STK32A: variants seen among roughly 807,000 people sequenced by gnomAD.
The protein encoded by STK32A is serine/threonine-protein kinase 32A.
A neutral mutation model predicts 53.2 loss-of-function variants in STK32A; 41 were observed. The observed-to-expected ratio is 0.77, with a 90% CI of 0.60 to 1.00. The LOEUF (loss-of-function observed/expected upper bound fraction) is 1.00. Ranked by LOEUF, STK32A falls within the 50% of genes least tolerant of loss-of-function variation. The pLI, the probability that STK32A is intolerant of heterozygous loss-of-function variation, is 0.00. For synonymous variants in STK32A, 166 were observed against 162.8 expected (o/e 1.02, Z -0.15); for missense variants, 458 against 485.8 (o/e 0.94, Z 0.54).
At chr5:147,294,289 G>A (rs1313085926) in intron 4 of STK32A, among the ~76,000 whole-genome samples, 1 of 152,102 alleles carries the variant, frequency 6.6e-6, no homozygotes, top group Non-Finnish European at 1.5e-5. Flanking sequence ...TTTTGAGACA[G>A]AGTCTCACTC....
At chr5:147,350,659 C>T (rs1009760795) in intron 6 of STK32A, among the ~76,000 whole-genome samples, 1 of 152,086 alleles carries the variant, frequency 6.6e-6, no homozygotes, top group African/African-American at 2.4e-5. Context: ...TGAGCCACCA[C>T]GCCCAGCCTA....
At chr5:147,284,620 C>G (rs1187833782) in intron 4 of STK32A, among the ~76,000 whole-genome samples, 3 of 150,116 alleles carry the variant, frequency 2.0e-5, no homozygotes, top group Non-Finnish European at 4.4e-5. Context: ...CAACAGCAAC[C>G]AAGTAGAGAA....
At chr5:147,393,886 G>A in the STK32A span, 9 of 780,466 alleles carry the variant, frequency 1.2e-5, no homozygotes, top group Admixed American at 2.8e-5. Context: ...GCAAGCGAGC[G>A]TAACATTGGA....
the STK32A span, chr5:147,395,595 C>G: frequency 6.2e-7 from 1 of 1,613,848 alleles, no homozygotes; most frequent in Non-Finnish European, 8.5e-7. Flanking sequence ...AGATTCCTCA[C>G]AGGTGGGTTC....
chr5:147,315,312 T>A (rs1753938238), intron 4 of STK32A, among the ~76,000 whole-genome samples: 1 of 152,074 alleles, frequency 6.6e-6, no homozygotes, highest in Admixed American at 6.6e-5. Context: ...AGTCAAAAGG[T>A]AGAAATAACC....
At chr5:147,391,624 T>A (rs1313236898), downstream of STK32A, 4 of 152,356 alleles carry the variant, frequency 2.6e-5, no homozygotes, top group East Asian at 7.7e-4. Context: ...TGTTTTCTTT[T>A]CCTAAACCTT....
At chr5:147,400,204 G>T in the STK32A span, among the ~76,000 whole-genome samples, 1 of 152,130 alleles carries the variant, frequency 6.6e-6, no homozygotes, top group Non-Finnish European at 1.5e-5. Flanking sequence ...AAATAAAACA[G>T]GCCACTTGCC....
the STK32A span, chr5:147,400,710 G>A: frequency 0.16 from 260,501 of 1,613,846 alleles, 22,815 homozygotes; most frequent in African/African-American, 0.3. Flanking sequence ...TGTCCCAGAT[G>A]ACAGACATCC....
chr5:147,280,273 C>T (rs1486073950), intron 4 of STK32A, among the ~76,000 whole-genome samples: 1 of 152,022 alleles, frequency 6.6e-6, no homozygotes, highest in African/African-American at 2.4e-5. Context: ...GGAGAGGGCA[C>T]AAATCCAGTG....
intron 11 of STK32A, chr5:147,375,924 A>G (rs1455490601): frequency 6.6e-6 from 1 of 152,140 alleles, no homozygotes; most frequent in African/African-American, 2.4e-5. Flanking sequence ...TCTAAAGGTC[A>G]TCTATCTATC....
chr5:147,327,754 C>G (rs1754672991), intron 5 of STK32A, among the ~76,000 whole-genome samples: 1 of 152,174 alleles, frequency 6.6e-6, no homozygotes, highest in Non-Finnish European at 1.5e-5. Context: ...CCCAAGTTTG[C>G]ATGGCTATTA....
chr5:147,291,978 A>G (rs1418754810), intron 4 of STK32A, among the ~76,000 whole-genome samples: 3 of 152,212 alleles, frequency 2.0e-5, no homozygotes, highest in South Asian at 4.1e-4. Context: ...TAGACTTTTA[A>G]AAGCCTCTCT....
rs150348425 is a variant in STK32A at position 147,289,491 on chromosome 5, G to A, written c.260+10093G>A. On this transcript the variant is annotated intron_variant, in intron 4 of 12. Coordinates refer to ENST00000397936, the MANE Select transcript of STK32A (RefSeq NM_001112724.2). ...TTTTCAGGCTGAGGGTAAACAAATT[G>A]TTCCTTTTTTAAGTGAGTTAAGATT... Among the ~76,000 whole-genome samples, 700 of 151,884 alleles carry A rather than the reference G, an allele frequency of 4.6e-3. 5 individuals are homozygous for A. The highest frequency in any genetic ancestry group is 0.014 in the African/African-American group (599 of 41,456).
intron 4 of STK32A, among the ~76,000 whole-genome samples, chr5:147,311,616 G>A (rs1454076851): frequency 6.6e-6 from 1 of 152,156 alleles, no homozygotes; most frequent in Non-Finnish European, 1.5e-5. Context: ...ACCCAGACTG[G>A]AGTACAGTGG....
intron 2 of STK32A, among the ~76,000 whole-genome samples, chr5:147,246,713 T>C (rs1007597831): frequency 2.0e-5 from 3 of 152,214 alleles, no homozygotes; most frequent in Non-Finnish European, 4.4e-5. Context: ...ATTTGTAATG[T>C]GATTTATATG....
chr5:147,289,617 A>G (rs1752505964), intron 4 of STK32A, among the ~76,000 whole-genome samples: 1 of 151,908 alleles, frequency 6.6e-6, no homozygotes, highest in Non-Finnish European at 1.5e-5. Context: ...TTTCAATATC[A>G]TATATATGTA....
chr5:147,367,921 C>A (rs1363337668), intron 8 of STK32A, among the ~76,000 whole-genome samples: 2 of 152,174 alleles, frequency 1.3e-5, no homozygotes, highest in African/African-American at 4.8e-5. Context: ...AAGGAAGTAA[C>A]ATTTAATTAC....
the STK32A span, chr5:147,395,588 T>C: frequency 1.5e-5 from 25 of 1,613,750 alleles, no homozygotes; most frequent in Non-Finnish European, 2.1e-5. Flanking sequence ...CTGATGAAGA[T>C]TCCTCACAGG....
At position 147,342,930 on chromosome 5, in the gene STK32A, A is replaced by G. The variant is rs550131618; in HGVS notation, c.435-76A>G. On this transcript the variant is annotated intron_variant, in intron 5 of 12. Coordinates refer to ENST00000397936, the MANE Select transcript of STK32A (RefSeq NM_001112724.2). ...TGTTTCAACTCCAGTTAGCTTTCTT[A>G]AGCCTTTTTGCCCCTACCCCTTAGT... 8 of 1,383,574 alleles carry G rather than the reference A, an allele frequency of 5.8e-6. No individual in the cohort carries two copies. The Admixed American group carries it at 1.4e-4, about 24-fold the overall frequency. The allele number at this position is 1,383,574 out of a possible 1,614,324, so 85.7% of individuals were successfully genotyped here. A position where few individuals can be genotyped will look rare whatever the true frequency, so the allele number is the denominator to read the frequency against.
Sources: allele counts gnomAD v4.1 joint callset (sites outside exome capture counted in the v4.1 genomes callset), GRCh38; gene constraint gnomAD v4.1.1; transcripts MANE v1.5; gene names NCBI Gene and HGNC (gene_info 2026-07-23, HGNC 2026-07-21).